Variants in ZC3H12B observed in about 807,000 individuals in gnomAD.
ZC3H12B encodes zinc finger CCCH-type containing 12B, also known as probable ribonuclease ZC3H12B.
A neutral mutation model predicts 43.9 loss-of-function variants in ZC3H12B; 7 were observed. That is an observed-to-expected ratio of 0.16 (90% CI 0.09 to 0.30). ZC3H12B has a LOEUF of 0.30. Among genes scored for constraint, ZC3H12B ranks in the 10% least tolerant of loss-of-function variants. ZC3H12B has a pLI of 1.00. For missense variants in ZC3H12B, 475 were observed against 670.2 expected (o/e 0.71, Z 3.22); for synonymous variants, 222 against 241.7 (o/e 0.92, Z 0.76).
the ZC3H12B span, among the ~76,000 whole-genome samples, chrX:65,035,633 G>T: frequency 9.0e-6 from 1 of 110,877 alleles, no homozygotes; most frequent in Non-Finnish European, 1.9e-5. Flanking sequence ...TCTCTCAGGA[G>T]GCTCAGCCTG....
At chrX:65,041,038 A>G in the ZC3H12B span, among the ~76,000 whole-genome samples, 2 of 112,520 alleles carry the variant, frequency 1.8e-5, no homozygotes, top group African/African-American at 6.5e-5. Flanking sequence ...TCGGCCTCCA[A>G]AAGTGCTGGG....
intron 3 of ZC3H12B, among the ~76,000 whole-genome samples, chrX:65,463,345 A>G (rs1038449108): frequency 2.7e-5 from 3 of 111,884 alleles, no homozygotes; most frequent in Non-Finnish European, 5.6e-5. Flanking sequence ...CAGTATGGTC[A>G]TTTTCACAAT....
At chrX:65,050,257 G>A in the ZC3H12B span, among the ~76,000 whole-genome samples, 21 of 111,046 alleles carry the variant, frequency 1.9e-4, no homozygotes, top group African/African-American at 6.5e-4. Flanking sequence ...GTGATTTTGT[G>A]TTCTTCAACT....
intron 1 of ZC3H12B, among the ~76,000 whole-genome samples, chrX:65,492,096 C>T (rs60982080): frequency 0.092 from 10,208 of 110,697 alleles, 1,250 homozygotes; most frequent in African/African-American, 0.32. Flanking sequence ...CACCCTAGAT[C>T]GGACCTGATT....
chrX:65,479,321 C>T (rs2068034813), intron 3 of ZC3H12B, among the ~76,000 whole-genome samples: 1 of 110,979 alleles, frequency 9.0e-6, no homozygotes, highest in African/African-American at 3.3e-5. Flanking sequence ...GAGGTTCAGC[C>T]AGGCCTTTGA....
In ZC3H12B at chrX:65,437,603, T is replaced by C. The variant is rs747947908; in HGVS notation, n.407+38899T>C. 1.9e-3 allele frequency among the ~76,000 whole-genome samples: 215 copies of C among 112,586 alleles called. 1 individual carries two copies. Among genetic ancestry groups the C allele is most frequent in the Non-Finnish European group, 3.5e-3 (184 of 53,302 alleles). On this transcript the variant is annotated intron_variant and non_coding_transcript_variant, in intron 3 of 5. Coordinates refer to the ZC3H12B transcript ENST00000617377. ...ATTTTTAATTATATTTTTAGATTTT[T>C]TTCTATTGAATTGTTTGAGCTCCTT...
chrX:65,115,253 C>T, the ZC3H12B span, among the ~76,000 whole-genome samples: 1 of 109,303 alleles, frequency 9.1e-6, no homozygotes, highest in Non-Finnish European at 1.9e-5. Context: ...ATTCTTATGC[C>T]TTTGCATCCT....
chrX:65,364,562 A>T (rs1024936154), upstream of ZC3H12B, among the ~76,000 whole-genome samples: 1 of 83,224 alleles, frequency 1.2e-5, no homozygotes, highest in African/African-American at 2.2e-4. Flanking sequence ...TCTCCTTGGC[A>T]CCGGTCACTT....
chrX:65,405,302 A>G lies in ZC3H12B; in HGVS notation n.407+6598A>G, dbSNP rs775702212. On this transcript the variant is annotated intron_variant and non_coding_transcript_variant, in intron 3 of 5. Coordinates refer to the ZC3H12B transcript ENST00000617377. ...TAAAGAAATAGAAAAGCAAAAGCAA[A>G]CCAAACCTAAAATTAGTAGGAGAAA... 1.4e-3 allele frequency among the ~76,000 whole-genome samples: 154 copies of G among 112,665 alleles called. 1 individual carries two copies. Among genetic ancestry groups the G allele is most frequent in the African/African-American group, 4.9e-3 (151 of 31,040 alleles).
chrX:65,390,045 G>T (rs1944497498), intron 2 of ZC3H12B, among the ~76,000 whole-genome samples: 1 of 112,111 alleles, frequency 8.9e-6, no homozygotes, highest in South Asian at 3.7e-4. Context: ...AGAAATTGTG[G>T]CACATATACA....
At chrX:65,201,622 CTCTG>C in the ZC3H12B span, among the ~76,000 whole-genome samples, 3 of 94,377 alleles carry the variant, frequency 3.2e-5, no homozygotes, top group African/African-American at 8.0e-5. Flanking sequence ...ATTTTGAATT[CTCTG>C]TCTGAAAGAT....
At chrX:65,325,654 T>C in the ZC3H12B span, among the ~76,000 whole-genome samples, 2 of 111,495 alleles carry the variant, frequency 1.8e-5, no homozygotes, top group Non-Finnish European at 3.8e-5. Flanking sequence ...AAGAATTATT[T>C]TTTCAAATGT....
At chrX:65,379,243 C>A (rs184954752) in intron 2 of ZC3H12B, among the ~76,000 whole-genome samples, 60 of 111,772 alleles carry the variant, frequency 5.4e-4, no homozygotes, top group Non-Finnish European at 1.1e-3. Context: ...GTTCTCCCAG[C>A]ACGCAGCTGG....
At chrX:65,108,200 T>A in the ZC3H12B span, among the ~76,000 whole-genome samples, 3 of 111,514 alleles carry the variant, frequency 2.7e-5, no homozygotes, top group African/African-American at 9.8e-5. Context: ...AAACACTGTA[T>A]GCTTAGGCTA....
chrX:65,222,530 G>A, the ZC3H12B span, among the ~76,000 whole-genome samples: 304 of 108,182 alleles, frequency 2.8e-3, 1 homozygote, highest in Non-Finnish European at 4.8e-3. Context: ...CAAATCAGTA[G>A]ACATGGTGTA....
intron 2 of ZC3H12B, among the ~76,000 whole-genome samples, chrX:65,380,713 A>G (rs1393383842): frequency 8.9e-6 from 1 of 111,898 alleles, no homozygotes; most frequent in African/African-American, 3.3e-5. Context: ...CAGGAAACCC[A>G]TCTCACGGGC....
At chrX:65,292,515 G>T in the ZC3H12B span, among the ~76,000 whole-genome samples, 9 of 111,454 alleles carry the variant, frequency 8.1e-5, no homozygotes, top group African/African-American at 2.9e-4. Flanking sequence ...TCTAATGGAT[G>T]CTGGGCTGAA....
chrX:65,352,616 T>C, the ZC3H12B span, among the ~76,000 whole-genome samples: 1 of 111,818 alleles, frequency 8.9e-6, no homozygotes, highest in African/African-American at 3.2e-5. Flanking sequence ...CTAAGCTTTA[T>C]ACATGCATAT....
At chrX:65,035,515 G>A in the ZC3H12B span, among the ~76,000 whole-genome samples, 1 of 111,834 alleles carries the variant, frequency 8.9e-6, no homozygotes, top group East Asian at 2.8e-4. Flanking sequence ...AGATGCCATA[G>A]ATGCTGATAA....
Sources: gnomAD v4.1 joint callset for allele counts (sites outside exome capture counted in the v4.1 genomes callset) on GRCh38, gnomAD v4.1.1 for gene constraint, MANE v1.5 for transcripts, NCBI Gene and HGNC (gene_info 2026-07-23, HGNC 2026-07-21) for gene names.